WASHC4: variants seen among roughly 807,000 people sequenced by gnomAD.
WASHC4 encodes WASH complex subunit 7.
In WASHC4, 86 loss-of-function variants were observed where a neutral mutation model predicts 166.6. The ratio of observed to expected loss-of-function variants is 0.52; its 90% confidence interval spans 0.43 to 0.62. WASHC4 has a LOEUF of 0.62. WASHC4 is among the 20% of genes least tolerant of loss of function. The pLI is 0.00. For synonymous variants in WASHC4, 446 were observed against 451.6 expected (o/e 0.99, Z 0.16); for missense variants, 1,262 against 1,382.4 (o/e 0.91, Z 1.38).
At chr12:105,129,625 T>C (rs1881619975) in intron 13 of WASHC4, among the ~76,000 whole-genome samples, 2 of 152,226 alleles carry the variant, frequency 1.3e-5, no homozygotes, top group South Asian at 4.1e-4. Flanking sequence ...TCAGAAGGTC[T>C]GAGAACCATG....
Position 105,140,925 on chromosome 12 carries a change from C to A in WASHC4, c.1587C>A (p.Tyr529Ter). The stretch of plus-strand genomic sequence containing the variant: ...AAAGAGTGATTTCTGACAAAAAATA[C>A]AGCGAACAGCGTCTTGATGTGCTCT... The part of the protein sequence containing the change: ...AKKRVISDKK[Y>*]SEQRLDVLSA... The change falls in exon 17 of 33, where the codon TAC (tyrosine) becomes TAA (stop). Residue 529 changes from tyrosine to a stop codon, truncating the protein, a stop_gained. Coordinates refer to ENST00000332180, the MANE Select transcript of WASHC4 (RefSeq NM_015275.3). LOFTEE classifies it high-confidence loss of function. 1 of 1,613,984 alleles carries A rather than the reference C, an allele frequency of 6.2e-7. No homozygotes were observed. The highest frequency in any genetic ancestry group is 8.5e-7 in the Non-Finnish European group (1 of 1,179,942).
Position 105,126,122 on chromosome 12 carries a change from A to G in WASHC4, c.905A>G (p.Lys302Arg), listed in dbSNP as rs1367552491. Residue 302 changes from lysine (K) to arginine (R), a missense_variant, in exon 11 of 33, where the codon AAA becomes AGA. Transcript: ENST00000332180. Reference sequence around the variant, plus strand: ...TCAATTTTTGCAAATGTAGAAGCCAAACTTGGTAATGTAAATCGCATTTTT... The same window carrying G: ...TCAATTTTTGCAAATGTAGAAGCCAGACTTGGTAATGTAAATCGCATTTTT... ...IRSIFANVEA[K>R]LGEPSEIDQR... is the part of the protein sequence containing the mutation. 6.2e-7 allele frequency: 1 copy of G among 1,613,046 alleles called. No homozygotes were observed. The highest frequency in any genetic ancestry group is 1.3e-5 in the African/African-American group (1 of 75,028).
intron 14 of WASHC4, among the ~76,000 whole-genome samples, chr12:105,137,067 T>C (rs997210781): frequency 4.6e-5 from 7 of 152,216 alleles, no homozygotes; most frequent in African/African-American, 1.7e-4. Flanking sequence ...ACTGTACATG[T>C]GTCTCTTTTG....
intron 14 of WASHC4, among the ~76,000 whole-genome samples, chr12:105,135,610 A>G (rs752186995): frequency 1.3e-5 from 2 of 151,906 alleles, no homozygotes; most frequent in Non-Finnish European, 2.9e-5. Flanking sequence ...TCTTGAATTC[A>G]TGCAATATTC....
At chr12:105,158,509 G>A (rs934209753) in intron 28 of WASHC4, among the ~76,000 whole-genome samples, 7 of 152,122 alleles carry the variant, frequency 4.6e-5, no homozygotes, top group African/African-American at 1.4e-4. Flanking sequence ...AATTTAGAAT[G>A]TGAGCATTTT....
At chr12:105,120,960 C>T (rs1880679928) in intron 8 of WASHC4, 141 bp from the exon 9 acceptor site, 1 of 678,736 alleles carries the variant, frequency 1.5e-6, no homozygotes, top group Admixed American at 2.2e-5. Flanking sequence ...TCTGAGGATC[C>T]AACCTGTAGC....
chr12:105,159,606 A>G (rs995433635), intron 28 of WASHC4, among the ~76,000 whole-genome samples: 1 of 134,886 alleles, frequency 7.4e-6, no homozygotes, highest in African/African-American at 2.9e-5. Flanking sequence ...ATGTTTTTGA[A>G]GGTTGAGAGG....
intron 15 of WASHC4, among the ~76,000 whole-genome samples, chr12:105,139,443 A>G (rs1177152665): frequency 3.9e-4 from 55 of 140,100 alleles, no homozygotes; most frequent in East Asian, 2.3e-3. Context: ...ATATATATAT[A>G]TATATATATA....
intron 23 of WASHC4, 137 bp from the exon 24 acceptor site, chr12:105,146,905 C>T (rs950382477): frequency 1.4e-6 from 1 of 700,816 alleles, no homozygotes; most frequent in Non-Finnish European, 2.6e-6. Context: ...TAAGGATACT[C>T]ACCTGTACTG....
intron 10 of WASHC4, 43 bp from the exon 11 acceptor site, chr12:105,125,961 A>T (rs775770613): frequency 1.3e-6 from 2 of 1,582,460 alleles, no homozygotes; most frequent in African/African-American, 2.7e-5. Flanking sequence ...TTAATCGTTT[A>T]TTATTGAGAG....
intron 20 of WASHC4, 51 bp downstream of exon 20, chr12:105,143,294 G>A: frequency 1.8e-6 from 2 of 1,090,554 alleles, no homozygotes; most frequent in Non-Finnish European, 2.8e-6. Context: ...GGAATGTAGT[G>A]TTTGGAAAAA....
intron 4 of WASHC4, among the ~76,000 whole-genome samples, chr12:105,114,889 G>A (rs933376759): frequency 4.0e-5 from 6 of 151,818 alleles, no homozygotes; most frequent in Admixed American, 6.6e-5. Context: ...CCTGCTTTTT[G>A]ATACCATGTG....
intron 25 of WASHC4, among the ~76,000 whole-genome samples, chr12:105,150,959 A>C (rs1883711792): frequency 6.6e-6 from 1 of 152,022 alleles, no homozygotes; most frequent in Non-Finnish European, 1.5e-5. Context: ...AGTTATCTCC[A>C]CCTGGTCCCT....
At chr12:105,136,806 A>C (rs1882367424) in intron 14 of WASHC4, among the ~76,000 whole-genome samples, 1 of 151,984 alleles carries the variant, frequency 6.6e-6, no homozygotes, top group Non-Finnish European at 1.5e-5. Flanking sequence ...TTAGGATGCT[A>C]TCCTCTCTTT....
intron 20 of WASHC4, among the ~76,000 whole-genome samples, chr12:105,143,610 G>A (rs1044754659): frequency 6.6e-6 from 1 of 151,970 alleles, no homozygotes; most frequent in Admixed American, 6.6e-5. Flanking sequence ...GCTCCTGAGA[G>A]AAGGAAATTA....
intron 14 of WASHC4, among the ~76,000 whole-genome samples, chr12:105,137,216 A>G (rs919376608): frequency 1.1e-4 from 16 of 152,196 alleles, no homozygotes; most frequent in African/African-American, 2.4e-5. Flanking sequence ...GTTTAATAGC[A>G]TTAAAAGAAT....
intron 21 of WASHC4, 33 bp downstream of exon 21, chr12:105,144,488 T>TTC: frequency 1.3e-6 from 2 of 1,570,280 alleles, no homozygotes; most frequent in East Asian, 2.2e-5. Flanking sequence ...TAGAGTCATA[T>TTC]TCTCTTTTTT....
chr12:105,138,933 T>C (rs1163138240), intron 15 of WASHC4, among the ~76,000 whole-genome samples: 1 of 152,154 alleles, frequency 6.6e-6, no homozygotes, highest in Non-Finnish European at 1.5e-5. Flanking sequence ...TATTTTCAAA[T>C]GCTGTGTTTT....
intron 25 of WASHC4, among the ~76,000 whole-genome samples, chr12:105,151,145 CAAAAAAAAAAAAAA>C (rs34655671): frequency 4.9e-5 from 3 of 60,990 alleles, no homozygotes; most frequent in African/African-American, 6.8e-5. Context: ...GACTCTGTCT[CAAAAAAAAAAAAAA>C]AAAAAAAAAA....
Sources: allele counts gnomAD v4.1 joint callset (sites outside exome capture counted in the v4.1 genomes callset), GRCh38; gene constraint gnomAD v4.1.1; transcripts MANE v1.5; gene names NCBI Gene and HGNC (gene_info 2026-07-23, HGNC 2026-07-21).